PRRC2C: variants seen among roughly 807,000 people sequenced by gnomAD.
PRRC2C encodes proline rich coiled-coil 2C, also known as protein PRRC2C.
PRRC2C carries 72 observed loss-of-function variants against 317.2 expected under a neutral mutation model. The ratio of observed to expected loss-of-function variants is 0.23; its 90% CI spans 0.19 to 0.28. PRRC2C has a LOEUF of 0.28. Among genes scored for constraint, PRRC2C ranks in the 10% least tolerant of loss-of-function variants. The probability of loss-of-function intolerance (pLI) is 1.00; values close to 1 mark genes in which losing one functional copy is unlikely to be tolerated. For synonymous variants in PRRC2C, 1,296 were observed against 1,205.9 expected (o/e 1.07, Z -1.55); for missense variants, 3,074 against 3,459.7 (o/e 0.89, Z 2.80).
chr1:171,512,264 C>A, intron 2 of PRRC2C, 64 bp downstream of exon 2: 1 of 1,161,992 alleles, frequency 8.6e-7, no homozygotes, highest in Non-Finnish European at 1.3e-6. Flanking sequence ...AGTGATACAC[C>A]TGCTGCTATG....
chr1:171,584,580 C>T (rs1388704718), intron 30 of PRRC2C, 54 bp downstream of exon 30: 2 of 1,496,106 alleles, frequency 1.3e-6, no homozygotes, highest in East Asian at 4.9e-5. Flanking sequence ...ATTTTTATTG[C>T]TTTTGTTATT....
intron 2 of PRRC2C, chr1:171,512,665 A>G (rs1019813608): frequency 8.1e-6 from 2 of 246,864 alleles, no homozygotes; most frequent in Non-Finnish European, 1.6e-5. Flanking sequence ...TTATGAACAT[A>G]CAGTCAATAC....
chr1:171,566,400 A>C lies in PRRC2C; in HGVS notation c.6285A>C (p.Ala2095=). 1 of 1,580,066 alleles carries C rather than the reference A, an allele frequency of 6.3e-7. No homozygotes were observed. ...PKEQRQKQPR[A]GPIKAQKLPD... ...AACAGCGGCAGAAGCAGCCACGAGC[A>C]GGACCTATCAAAGCCCAGAAGGTAA... Residue 2095 remains alanine, a synonymous_variant, in exon 21 of 35, where the codon GCA becomes GCC. Transcript: ENST00000647382.
Position 171,542,166 on chromosome 1 carries a change from G to A in PRRC2C, c.4700G>A (p.Arg1567Lys). The change falls in exon 16 of 35, where the codon AGG becomes AAG. Residue 1567 changes from arginine to lysine, a missense_variant. Arg to Lys is a conservative substitution (Grantham distance 26). Coordinates refer to ENST00000647382, the MANE Select transcript of PRRC2C (RefSeq NM_001387844.1). ...AACAATGGTCCACCCAAATCAGGAA[G>A]GAATTTCTCAGGTCCTAGAAATGAA... is the stretch of plus-strand genomic sequence containing the variant. ...RGNNGPPKSG[R>K]NFSGPRNERR... is the part of the protein sequence containing the mutation. 1 of 1,604,520 alleles carries A rather than the reference G, an allele frequency of 6.2e-7. No homozygotes were observed. Among genetic ancestry groups the A allele is most frequent in the East Asian group, 2.2e-5 (1 of 44,756 alleles).
chr1:171,541,141 C>T lies in PRRC2C; in HGVS notation c.3675C>T (p.Asp1225=), dbSNP rs1677868786. ...CTCGAGATTATCCTCAGTATAGAGA[C>T]AATAAGCCAAGAGCAGAGCATATAC... ...GHTRDYPQYR[D]NKPRAEHIPS... Residue 1225 remains aspartate (D), a synonymous_variant, in exon 16 of 35, where the codon GAC becomes GAT. Transcript: ENST00000647382. The surrounding 1 kb of genome is among the most constrained non-coding windows in gnomAD (Gnocchi z 4.1). 1 of 1,613,638 alleles carries T rather than the reference C, an allele frequency of 6.2e-7. No homozygotes were observed. The highest frequency in any genetic ancestry group is 8.5e-7 in the Non-Finnish European group (1 of 1,179,818).
chr1:171,549,226 A>G (rs1423396629), intron 17 of PRRC2C, among the ~76,000 whole-genome samples: 1 of 152,162 alleles, frequency 6.6e-6, no homozygotes, highest in Non-Finnish European at 1.5e-5. Context: ...AAGTAGAGAC[A>G]AGGTCTCCCC....
At chr1:171,566,942 G>A (rs190728633) in intron 22 of PRRC2C, 99 bp downstream of exon 22, 331 of 1,289,418 alleles carry the variant, frequency 2.6e-4, no homozygotes, top group Admixed American at 6.7e-4. Context: ...TCCTGCTGAG[G>A]CATATAACTC....
chr1:171,512,341 T>C, intron 2 of PRRC2C, 141 bp downstream of exon 2: 1 of 632,356 alleles, frequency 1.6e-6, no homozygotes, highest in Non-Finnish European at 3.0e-6. Flanking sequence ...ATGCACACAT[T>C]TTTCAGAGGA....
intron 17 of PRRC2C, among the ~76,000 whole-genome samples, chr1:171,548,756 A>C (rs1044188866): frequency 3.3e-5 from 5 of 152,240 alleles, no homozygotes; most frequent in Non-Finnish European, 7.3e-5. Context: ...TTAAAAAATG[A>C]TCTTGAGTTG....
rs1651428451 is a variant in PRRC2C at position 171,591,486 on chromosome 1, G to A, written c.8437-101G>A. 4 of 1,460,140 alleles carry A rather than the reference G, an allele frequency of 2.7e-6. No individual in the cohort carries two copies. In the African/African-American group the frequency reaches 5.6e-5, roughly 21 times the overall value. The allele number at this position is 1,460,140 out of a possible 1,614,324, so 90.4% of individuals were successfully genotyped here. A position where few individuals can be genotyped will look rare whatever the true frequency, so the allele number is the denominator to read the frequency against. ...TTGGCTTTGGCCAAACCAGTGTGGG[G>A]AAAACTGATTTGTGATTGGTAAAAG... On this transcript the variant is annotated intron_variant, in intron 34 of 34. Transcript: ENST00000647382.
intron 25 of PRRC2C, among the ~76,000 whole-genome samples, chr1:171,576,243 AT>A (rs1021219529): frequency 1.1e-4 from 17 of 152,336 alleles, no homozygotes; most frequent in Admixed American, 6.5e-4. Flanking sequence ...ACAGGAGAGT[AT>A]GGTAGGAAGA....
intron 16 of PRRC2C, among the ~76,000 whole-genome samples, 161 bp from the exon 17 acceptor site, chr1:171,545,315 GGTT>G (rs1363652974): frequency 6.6e-6 from 1 of 152,188 alleles, no homozygotes; most frequent in Non-Finnish European, 1.5e-5. Context: ...GTTTTAGTAA[GGTT>G]GTGCTGAACA....
At position 171,535,602 on chromosome 1, in the gene PRRC2C, T is replaced by C. The variant is rs374545177; in HGVS notation, c.2043+5T>C. On this transcript the variant is annotated splice_donor_5th_base_variant and intron_variant, in intron 13 of 34. Coordinates refer to ENST00000647382, the MANE Select transcript of PRRC2C (RefSeq NM_001387844.1). ...CCACGATTCCAGCGGCAGCAGGTAA[T>C]GATAAAAATATTTTATCATGTATGT... The C allele has an allele frequency of 1.2e-6, 2 of 1,612,868 alleles. No homozygotes were observed. Among genetic ancestry groups the C allele is most frequent in the Middle Eastern group, 1.6e-4 (1 of 6,074 alleles).
chr1:171,532,582 A>G lies in PRRC2C; in HGVS notation c.1494A>G (p.Glu498=). The G allele has an allele frequency of 6.4e-7, 1 of 1,563,710 alleles. No homozygotes were observed. Among genetic ancestry groups the G allele is most frequent in the African/African-American group, 1.4e-5 (1 of 73,718 alleles). The change falls in exon 12 of 35, where the codon GAA becomes GAG. Residue 498 remains glutamate, a synonymous_variant. Transcript: ENST00000647382. ...TGGATGAGAAGCTTGGCATCCTGGA[A>G]AAACAACCATCTCCAGAGGAAATTA... is the stretch of plus-strand genomic sequence containing the variant. ...KRLDEKLGIL[E]KQPSPEEIRE...
At chr1:171,490,943 T>C (rs1557847700) in intron 1 of PRRC2C, among the ~76,000 whole-genome samples, 1 of 152,226 alleles carries the variant, frequency 6.6e-6, no homozygotes, top group Non-Finnish European at 1.5e-5. Context: ...GTTTTAAATA[T>C]ATTGATTTGT....
chr1:171,556,321 A>G (rs925610382), intron 18 of PRRC2C, among the ~76,000 whole-genome samples: 12 of 152,236 alleles, frequency 7.9e-5, no homozygotes, highest in African/African-American at 2.4e-5. Context: ...TTCCAGGTAC[A>G]GTCTGTCATG....
intron 18 of PRRC2C, among the ~76,000 whole-genome samples, chr1:171,555,690 C>G (rs909132078): frequency 1.3e-5 from 2 of 152,160 alleles, no homozygotes; most frequent in African/African-American, 2.4e-5. Context: ...CTATTCCTTT[C>G]TGTTTGTTAG....
At chr1:171,516,902 C>T (rs1672481417) in intron 5 of PRRC2C, among the ~76,000 whole-genome samples, 1 of 152,134 alleles carries the variant, frequency 6.6e-6, no homozygotes. Context: ...AGACAGAAGC[C>T]CACAGTCTTT....
In PRRC2C at chr1:171,502,165, C is replaced by CT. The variant is rs1669221305; in HGVS notation, c.-57-9866dup. On this transcript the variant is annotated intron_variant, in intron 1 of 34. Transcript: ENST00000647382. ...CTGCAAAATGTGACTTTTGCCTACT[C>CT]TGATTTCATCTCCTGCCTGTCTCCC... Among the ~76,000 whole-genome samples, 5 of 152,192 alleles carry CT rather than the reference C, an allele frequency of 3.3e-5. No individual in the cohort carries two copies. In the South Asian group the frequency reaches 1.0e-3, roughly 32 times the overall value.
Sources: gnomAD v4.1 joint callset for allele counts (sites outside exome capture counted in the v4.1 genomes callset) on GRCh38, gnomAD v4.1.1 for gene constraint, Gnocchi (gnomAD v3.1) non-coding constraint, MANE v1.5 for transcripts, NCBI Gene and HGNC (gene_info 2026-07-23, HGNC 2026-07-21) for gene names.